The following EML6 variants were observed in gnomAD, a reference collection of about 807,000 sequenced individuals.
EML6 encodes EMAP like 6.
A neutral mutation model predicts 240.1 loss-of-function variants in EML6; 154 were observed. The observed-to-expected ratio is 0.64, with a 90% confidence interval of 0.56 to 0.73. The LOEUF (loss-of-function observed/expected upper bound fraction) is 0.73. Among genes scored for constraint, EML6 ranks in the 30% least tolerant of loss-of-function variants. The probability of loss-of-function intolerance (pLI) is 0.00; values close to 1 mark genes in which losing one functional copy is unlikely to be tolerated. For missense variants in EML6, 2,964 were observed against 2,474.6 expected, an observed-to-expected ratio of 1.20 and a Z score of -4.20; for synonymous variants, 1,148 against 899.0, an observed-to-expected ratio of 1.28 and a Z score of -4.95.
Position 54,950,901 on chromosome 2 carries a change from C to T in EML6, c.4213+122C>T, listed in dbSNP as rs1306747593. ...CCTTATAGAGCCATTCCCCCCAATT[C>T]CAGCATGGTCTCAGTTAGGCCTGGT... On this transcript the variant is annotated intron_variant, in intron 30 of 41. Coordinates refer to ENST00000356458, the MANE Select transcript of EML6 (RefSeq NM_001039753.4). 7 of 1,051,410 alleles carry T rather than the reference C, an allele frequency of 6.7e-6. No individual in the cohort carries two copies. In the African/African-American group the frequency reaches 8.1e-5, roughly 12 times the overall value. The allele number at this position is 1,051,410 out of a possible 1,614,324, so 65.1% of individuals were successfully genotyped here. A position where few individuals can be genotyped will look rare whatever the true frequency, so the allele number is the denominator to read the frequency against.
chr2:54,856,005 C>A (rs1193913904), intron 11 of EML6, among the ~76,000 whole-genome samples: 5 of 152,254 alleles, frequency 3.3e-5, no homozygotes, highest in Middle Eastern at 6.8e-3. Context: ...TTATTGTTTT[C>A]CATTGTGATT....
intron 2 of EML6, among the ~76,000 whole-genome samples, chr2:54,807,225 A>G (rs1346379278): frequency 6.6e-6 from 1 of 152,210 alleles, no homozygotes; most frequent in Non-Finnish European, 1.5e-5. Flanking sequence ...CTGGTTCAGC[A>G]AAGAAGTTGT....
intron 7 of EML6, among the ~76,000 whole-genome samples, chr2:54,835,809 A>T (rs1669110371): frequency 6.6e-6 from 1 of 152,142 alleles, no homozygotes; most frequent in South Asian, 2.1e-4. Context: ...GAAGCTGCTA[A>T]AAGTATTACA....
At chr2:54,865,814 T>C (rs1351821980) in intron 13 of EML6, among the ~76,000 whole-genome samples, 2 of 152,240 alleles carry the variant, frequency 1.3e-5, no homozygotes, top group South Asian at 2.1e-4. Flanking sequence ...TTCACAATAT[T>C]CCTGAGTTAT....
chr2:54,801,406 G>T (rs577175437), intron 2 of EML6, among the ~76,000 whole-genome samples: 5 of 152,164 alleles, frequency 3.3e-5, no homozygotes, highest in African/African-American at 1.2e-4. Context: ...AAGTGGGCTG[G>T]GTCAGCCTTG....
At chr2:54,846,289 T>C (rs181344498) in intron 8 of EML6, among the ~76,000 whole-genome samples, 80 of 152,248 alleles carry the variant, frequency 5.3e-4, no homozygotes, top group African/African-American at 1.9e-3. Context: ...AAATGTAACA[T>C]ATATTTCAAT....
chr2:54,801,180 C>T (rs1335015075), intron 2 of EML6, among the ~76,000 whole-genome samples: 1 of 151,866 alleles, frequency 6.6e-6, no homozygotes, highest in Admixed American at 6.6e-5. Context: ...ATCAGCCGGG[C>T]ATGGTGGTGG....
chr2:54,948,913 G>A lies in EML6; in HGVS notation c.4036G>A (p.Glu1346Lys). ...PPVSRAAPQP[E>K]KLQKNNITKK... ...CGTTAGCCGAGCAGCTCCCCAGCCTGAGAAACTGCAGAAGAACAATATCAC... is the reference window on the plus strand; with the variant it reads ...CGTTAGCCGAGCAGCTCCCCAGCCTAAGAAACTGCAGAAGAACAATATCAC... The change falls in exon 29 of 42, where the codon GAG becomes AAG. Residue 1346 changes from glutamate (E) to lysine (K), a missense_variant. By Grantham distance (56) the Glu-to-Lys change is moderately conservative. Coordinates refer to ENST00000356458, the MANE Select transcript of EML6 (RefSeq NM_001039753.4). 6.4e-7 allele frequency: 1 copy of A among 1,551,554 alleles called. No homozygotes were observed. Among genetic ancestry groups the A allele is most frequent in the Non-Finnish European group, 8.7e-7 (1 of 1,146,978 alleles).
At chr2:54,922,002 A>T (rs1474893344) in intron 26 of EML6, among the ~76,000 whole-genome samples, 2 of 152,194 alleles carry the variant, frequency 1.3e-5, no homozygotes, top group Non-Finnish European at 2.9e-5. Flanking sequence ...GCTCCTTGAC[A>T]TTGGTCTTGG....
intron 7 of EML6, among the ~76,000 whole-genome samples, chr2:54,840,937 A>G (rs1352657523): frequency 6.6e-6 from 1 of 152,260 alleles, no homozygotes. Flanking sequence ...TTTGTGTAAT[A>G]AAAGTAGATG....
Position 54,970,742 on chromosome 2 carries a change from C to A in EML6, c.*647C>A, listed in dbSNP as rs1183323828. 1 of 152,990 alleles carries A rather than the reference C, an allele frequency of 6.5e-6. No individual in the cohort carries two copies. Among genetic ancestry groups the A allele is most frequent in the Non-Finnish European group, 1.5e-5 (1 of 68,618 alleles). The allele number at this position is 152,990 out of a possible 1,614,324, so 9.5% of individuals were successfully genotyped here. A position where few individuals can be genotyped will look rare whatever the true frequency, so the allele number is the denominator to read the frequency against. Reference sequence around the variant, plus strand: ...CTCACCTCCCACCAATTTCTCCTTTCTCCATATGGTGCTAAAACCTCAAAG... The same window carrying A: ...CTCACCTCCCACCAATTTCTCCTTTATCCATATGGTGCTAAAACCTCAAAG... On this transcript the variant is annotated 3_prime_UTR_variant, in exon 42 of 42. Transcript: ENST00000356458.
intron 7 of EML6, among the ~76,000 whole-genome samples, chr2:54,840,842 G>C (rs1216355337): frequency 6.6e-6 from 1 of 152,206 alleles, no homozygotes; most frequent in Non-Finnish European, 1.5e-5. Flanking sequence ...TACAGTAAAA[G>C]TAGATTATTT....
chr2:54,773,033 C>A (rs72915587), intron 2 of EML6, among the ~76,000 whole-genome samples: 1 of 152,192 alleles, frequency 6.6e-6, no homozygotes, highest in African/African-American at 2.4e-5. Context: ...CCGAAAGTGA[C>A]TGGATCTTGG....
chr2:54,933,692 G>T (rs970206842), intron 28 of EML6, among the ~76,000 whole-genome samples: 28 of 151,988 alleles, frequency 1.8e-4, no homozygotes, highest in African/African-American at 6.8e-4. Flanking sequence ...AGATGGCACT[G>T]CTGCACTCCA....
At chr2:54,883,261 C>G (rs149011647) in intron 17 of EML6, among the ~76,000 whole-genome samples, 153 of 152,302 alleles carry the variant, frequency 1.0e-3, no homozygotes, top group Admixed American at 3.6e-3. Flanking sequence ...GAGTATTGTA[C>G]ATATGCTCTA....
intron 2 of EML6, among the ~76,000 whole-genome samples, chr2:54,728,968 C>T (rs894544646): frequency 2.6e-5 from 4 of 152,168 alleles, no homozygotes; most frequent in African/African-American, 9.7e-5. Flanking sequence ...TCTGTCCAGC[C>T]GCACCCCTCC....
At chr2:54,922,933 CTTTTTTTTT>C (rs36078208) in intron 26 of EML6, among the ~76,000 whole-genome samples, 7 of 73,852 alleles carry the variant, frequency 9.5e-5, no homozygotes, top group East Asian at 4.2e-4. Flanking sequence ...AGGGTATAAA[CTTTTTTTTT>C]TTTTTTTTTT....
At chr2:54,751,122 A>G (rs1684147078) in intron 2 of EML6, among the ~76,000 whole-genome samples, 1 of 152,198 alleles carries the variant, frequency 6.6e-6, no homozygotes. Flanking sequence ...TTTGAAAGGG[A>G]TGGTTGCCTT....
intron 17 of EML6, among the ~76,000 whole-genome samples, chr2:54,886,702 G>A (rs911599471): frequency 2.6e-5 from 4 of 152,164 alleles, no homozygotes; most frequent in Admixed American, 6.5e-5. Flanking sequence ...TGTTGAGCAT[G>A]TTTTCCTGTG....
Sources: allele counts gnomAD v4.1 joint callset (sites outside exome capture counted in the v4.1 genomes callset), GRCh38; gene constraint gnomAD v4.1.1; transcripts MANE v1.5; gene names NCBI Gene and HGNC (gene_info 2026-07-23, HGNC 2026-07-21).